Variants in FCER2 observed in about 807,000 individuals in gnomAD.
FCER2 encodes low affinity immunoglobulin epsilon Fc receptor.
Under a neutral mutation model 49.7 loss-of-function variants are expected in FCER2, and 38 were observed. That is an observed-to-expected ratio of 0.76 (90% CI 0.59 to 1.00). The LOEUF is 1.00. FCER2 is among the 50% of genes least tolerant of loss of function. The pLI, the probability that FCER2 is intolerant of heterozygous loss-of-function variation, is 0.00. For synonymous variants in FCER2, 163 were observed against 164.6 expected (o/e 0.99, Z 0.07); for missense variants, 425 against 419.5 (o/e 1.01, Z -0.11).
At chr19:7,697,729 G>A in intron 4 of FCER2, 140 bp from the exon 5 acceptor site, 1 of 692,038 alleles carries the variant, frequency 1.4e-6, no homozygotes, top group South Asian at 1.7e-5. Context: ...GGAGCAGGAG[G>A]AGTGTACTCA....
intron 8 of FCER2, among the ~76,000 whole-genome samples, chr19:7,696,131 C>T (rs555020662): frequency 1.3e-5 from 2 of 151,658 alleles, no homozygotes; most frequent in Admixed American, 6.6e-5. Flanking sequence ...GATGGAGTCT[C>T]GCTCTGTCGC....
intron 2 of FCER2, chr19:7,699,535 A>C: frequency 8.1e-6 from 11 of 1,353,300 alleles, no homozygotes; most frequent in South Asian, 4.3e-5. Context: ...CAGAAAAAGG[A>C]GGGGCCCTCA....
rs764749532 is a variant in FCER2, at chr19:7,690,283, G to A, written c.622-18C>T. 6.2e-6 allele frequency: 10 copies of A among 1,609,550 alleles called. 1 individual carries two copies. In the South Asian group the frequency reaches 9.9e-5, roughly 16 times the overall value. ...AGGAAGTCCTGGGGGACAGGACAGGGCTGGAGGACTGGAGACATGTGCCCG... is the reference window on the plus strand; with the variant it reads ...AGGAAGTCCTGGGGGACAGGACAGGACTGGAGGACTGGAGACATGTGCCCG... On this transcript the variant is annotated intron_variant, in intron 9 of 10. Transcript: ENST00000597921.
In FCER2 at chr19:7,697,233, C is replaced by T; in HGVS notation, c.316+3G>A. ...CTTCATAACCCCGATCCCAGTCTCT[C>T]ACCCTGAGATTTCAATCTCTGCTGT... On this transcript the variant is annotated splice_donor_region_variant and intron_variant, in intron 6 of 10. Transcript: ENST00000597921. 6.2e-7 allele frequency: 1 copy of T among 1,614,088 alleles called. No homozygotes were observed. Among genetic ancestry groups the T allele is most frequent in the Non-Finnish European group, 8.5e-7 (1 of 1,179,920 alleles).
intron 8 of FCER2, among the ~76,000 whole-genome samples, chr19:7,691,754 C>T (rs1453401836): frequency 6.6e-6 from 1 of 151,934 alleles, no homozygotes; most frequent in Admixed American, 6.6e-5. Context: ...AACAACTCCT[C>T]AACCACCATT....
At chr19:7,698,503 G>A (rs1490533002) in intron 3 of FCER2, 94 bp from the exon 4 acceptor site, 3 of 1,097,334 alleles carry the variant, frequency 2.7e-6, no homozygotes, top group East Asian at 2.4e-5. Flanking sequence ...GGAGGTCTTG[G>A]GTATAAGCCA....
intron 10 of FCER2, 91 bp downstream of exon 10, chr19:7,690,068 T>C: frequency 1.2e-6 from 1 of 852,664 alleles, no homozygotes; most frequent in Non-Finnish European, 2.0e-6. Context: ...CTCTGAGCCC[T>C]CATCCGCTTT....
At chr19:7,694,851 C>T (rs147423582) in intron 8 of FCER2, among the ~76,000 whole-genome samples, 8 of 151,646 alleles carry the variant, frequency 5.3e-5, no homozygotes, top group African/African-American at 1.9e-4. Context: ...TTTTTTTCTT[C>T]AGAGGCAAGG....
chr19:7,692,164 A>G (rs112741680), intron 8 of FCER2, among the ~76,000 whole-genome samples: 2 of 110,284 alleles, frequency 1.8e-5, no homozygotes, highest in East Asian at 2.7e-4. Context: ...ATCAGCACGA[A>G]TACATTCACG....
intron 10 of FCER2, 27 bp from the exon 11 acceptor site, chr19:7,689,457 G>T (rs753517266): frequency 2.0e-6 from 3 of 1,467,466 alleles, no homozygotes; most frequent in Admixed American, 1.9e-5. Flanking sequence ...TGGGTCAGGG[G>T]ATGGGGCGGG....
At chr19:7,693,972 T>A (rs1025087663) in intron 8 of FCER2, among the ~76,000 whole-genome samples, 1 of 140,006 alleles carries the variant, frequency 7.1e-6, no homozygotes, top group Admixed American at 7.0e-5. Flanking sequence ...TTTTTTTTTT[T>A]AAAGAGGCAG....
At chr19:7,695,863 G>C (rs771459464) in intron 8 of FCER2, among the ~76,000 whole-genome samples, 11 of 151,092 alleles carry the variant, frequency 7.3e-5, no homozygotes, top group Non-Finnish European at 1.6e-4. Flanking sequence ...GCTGCAGTAA[G>C]CTATGATTGC....
At chr19:7,695,920 C>CA in intron 8 of FCER2, among the ~76,000 whole-genome samples, 1 of 80,694 alleles carries the variant, frequency 1.2e-5, no homozygotes, top group South Asian at 4.8e-4. Context: ...CCATCTCTCT[C>CA]TTTTTTTTTT....
At position 7,699,538 on chromosome 19, in the gene FCER2, G is replaced by A. The variant is rs1041144247; in HGVS notation, c.22+201C>T. 3.7e-6 allele frequency: 5 copies of A among 1,364,148 alleles called. No individual in the cohort carries two copies. In the African/African-American group the frequency reaches 4.5e-5, roughly 12 times the overall value. The allele number at this position is 1,364,148 out of a possible 1,614,324, so 84.5% of individuals were successfully genotyped here. Reference sequence around the variant, plus strand: ...AGGGTGTTGAATCAGAAAAAGGAGGGGCCCTCAATTTGCCACTCCTTCCTG... The same window carrying A: ...AGGGTGTTGAATCAGAAAAAGGAGGAGCCCTCAATTTGCCACTCCTTCCTG... On this transcript the variant is annotated intron_variant, in intron 2 of 10. Transcript: ENST00000597921.
Position 7,689,427 on chromosome 19 carries a change from G to A in FCER2, c.732C>T (p.Asn244=), listed in dbSNP as rs752243016. 46 of 1,575,938 alleles carry A rather than the reference G, an allele frequency of 2.9e-5. No homozygotes were observed. In the East Asian group the frequency reaches 5.7e-4, roughly 20 times the overall value. Residue 244 remains asparagine (N), a synonymous_variant, in exon 11 of 11, where the codon AAC becomes AAT. Transcript: ENST00000597921. ...GGCTGGTGGGCTCCCCTGGAGCCCA[G>A]TTGCTGGAGCAAAAGGCTTTGGGTC... ...WVDGSHVDYS[N]WAPGEPTSRS... is the part of the protein sequence containing the mutation.
chr19:7,696,802 T>G, intron 8 of FCER2, 23 bp downstream of exon 8: 1 of 1,549,502 alleles, frequency 6.5e-7, no homozygotes, highest in Non-Finnish European at 8.8e-7. Flanking sequence ...CGCGTCGTCC[T>G]GAGCAGAGAC....
At chr19:7,689,912 G>A (rs34288384) in intron 10 of FCER2, among the ~76,000 whole-genome samples, 59,783 of 151,776 alleles carry the variant, frequency 0.39, 14,344 homozygotes, top group African/African-American at 0.68. Flanking sequence ...CACCCTGCCC[G>A]GCCAAGACTC....
At chr19:7,700,764 C>T (rs1360004732) in intron 1 of FCER2, among the ~76,000 whole-genome samples, 3 of 151,974 alleles carry the variant, frequency 2.0e-5, no homozygotes, top group Admixed American at 6.6e-5. Context: ...CCGCCCGCCT[C>T]GGCCTCCCAA....
In FCER2 at chr19:7,698,347, C is replaced by A; in HGVS notation, c.190+9G>T. ...CACCCCCACCCCCTCCACCTTGACCCCTTCATACCGTTCCGGGCAGCCCTC... is the reference window on the plus strand; with the variant it reads ...CACCCCCACCCCCTCCACCTTGACCACTTCATACCGTTCCGGGCAGCCCTC... On this transcript the variant is annotated intron_variant, in intron 4 of 10. Transcript: ENST00000597921. The A allele has an allele frequency of 6.2e-7, 1 of 1,603,862 alleles. No individual in the cohort carries two copies. The highest frequency in any genetic ancestry group is 8.5e-7 in the Non-Finnish European group (1 of 1,173,072).
Sources: allele counts gnomAD v4.1 joint callset (sites outside exome capture counted in the v4.1 genomes callset), GRCh38; gene constraint gnomAD v4.1.1; transcripts MANE v1.5; gene names NCBI Gene and HGNC (gene_info 2026-07-23, HGNC 2026-07-21).